The following CACNA2D3 variants were observed in gnomAD, a reference collection of about 807,000 sequenced individuals.
CACNA2D3 encodes the protein voltage-dependent calcium channel subunit alpha-2/delta-3.
Under a neutral mutation model 160.6 loss-of-function variants are expected in CACNA2D3, and 60 were observed. The observed-to-expected ratio is 0.37, with a 90% CI of 0.30 to 0.46. CACNA2D3 has a LOEUF of 0.46. Among genes scored for constraint, CACNA2D3 ranks in the 20% least tolerant of loss-of-function variants. The pLI, the probability that CACNA2D3 is intolerant of heterozygous loss-of-function variation, is 1.00. For missense variants in CACNA2D3, 1,205 were observed against 1,365.0 expected, an observed-to-expected ratio of 0.88 and a Z score of 1.85; for synonymous variants, 558 against 492.9, an observed-to-expected ratio of 1.13 and a Z score of -1.75.
intron 4 of CACNA2D3, among the ~76,000 whole-genome samples, chr3:54,401,935 CATTA>C (rs1372055760): frequency 2.6e-5 from 4 of 151,928 alleles, no homozygotes; most frequent in Admixed American, 6.6e-5. Flanking sequence ...TGATAGCTAC[CATTA>C]ATTAAGAAAT....
intron 2 of CACNA2D3, among the ~76,000 whole-genome samples, chr3:54,170,792 A>G (rs1281739614): frequency 6.6e-6 from 1 of 152,234 alleles, no homozygotes; most frequent in African/African-American, 2.4e-5. Context: ...TTAAGAAACC[A>G]AATTTTCATC....
chr3:54,795,722 C>T (rs1415357728), intron 13 of CACNA2D3, among the ~76,000 whole-genome samples: 1 of 152,108 alleles, frequency 6.6e-6, no homozygotes, highest in Non-Finnish European at 1.5e-5. Context: ...GCAAATCTGC[C>T]TCTTTGAGGT....
At chr3:55,051,782 G>A (rs1453755255) in intron 35 of CACNA2D3, among the ~76,000 whole-genome samples, 3 of 152,170 alleles carry the variant, frequency 2.0e-5, no homozygotes, top group African/African-American at 7.2e-5. Context: ...GACCCTCCGA[G>A]CCAGGTGTGG....
chr3:54,305,142 CCT>C (rs1322488784), intron 2 of CACNA2D3, among the ~76,000 whole-genome samples: 2 of 152,152 alleles, frequency 1.3e-5, no homozygotes, highest in Non-Finnish European at 2.9e-5. Flanking sequence ...CAGTTACACT[CCT>C]CTTTGCACAT....
At chr3:54,500,037 C>G (rs1701263423) in intron 4 of CACNA2D3, among the ~76,000 whole-genome samples, 1 of 152,124 alleles carries the variant, frequency 6.6e-6, no homozygotes, top group Non-Finnish European at 1.5e-5. Context: ...CCTTGCAGTT[C>G]TATCAGTCTT....
chr3:54,409,607 C>T (rs1235246293), intron 4 of CACNA2D3, among the ~76,000 whole-genome samples: 1 of 152,202 alleles, frequency 6.6e-6, no homozygotes, highest in Non-Finnish European at 1.5e-5. Flanking sequence ...AGGCCTCTTG[C>T]ACCAAGCAGT....
At chr3:54,673,723 C>T (rs1700196391) in intron 11 of CACNA2D3, among the ~76,000 whole-genome samples, 1 of 152,060 alleles carries the variant, frequency 6.6e-6, no homozygotes, top group Admixed American at 6.5e-5. Context: ...ATCTATAAAC[C>T]ATCCTGAATC....
chr3:54,464,745 G>A lies in CACNA2D3; in HGVS notation c.382-38747G>A, dbSNP rs530898824. On this transcript the variant is annotated intron_variant, in intron 4 of 37. Transcript: ENST00000474759. ...CGCTTCCTGAGTGAGGCAATGCCTCGCCGTGCTTCGGCTAGCGCACGGTGC... is the reference window on the plus strand; with the variant it reads ...CGCTTCCTGAGTGAGGCAATGCCTCACCGTGCTTCGGCTAGCGCACGGTGC... 1.3e-3 allele frequency among the ~76,000 whole-genome samples: 192 copies of A among 152,334 alleles called. 1 individual carries two copies. The highest frequency in any genetic ancestry group is 4.2e-3 in the African/African-American group (173 of 41,598).
intron 11 of CACNA2D3, among the ~76,000 whole-genome samples, chr3:54,674,882 G>T (rs1198956815): frequency 6.6e-6 from 1 of 152,134 alleles, no homozygotes; most frequent in African/African-American, 2.4e-5. Flanking sequence ...GTAGAAGTCG[G>T]GTAGAAGACA....
rs376469871 is a variant in CACNA2D3, at chr3:54,752,934, C to A, written c.1246+257C>A. Among the ~76,000 whole-genome samples the A allele has an allele frequency of 8.0e-5, 12 of 150,324 alleles. No individual in the cohort carries two copies. In the South Asian group the frequency reaches 2.5e-3, roughly 32 times the overall value. On this transcript the variant is annotated intron_variant, in intron 12 of 37. Coordinates refer to ENST00000474759, the MANE Select transcript of CACNA2D3 (RefSeq NM_018398.3). ...GGAGTGCAGTAACGCGATCTCAGCT[C>A]ACTGCAGACCACGCCTCCCGAGTTC...
At chr3:54,794,022 A>T (rs1443261900) in intron 13 of CACNA2D3, among the ~76,000 whole-genome samples, 1 of 152,146 alleles carries the variant, frequency 6.6e-6, no homozygotes, top group African/African-American at 2.4e-5. Flanking sequence ...TGTTCATAAT[A>T]TTCTCTTAGA....
chr3:54,837,023 C>G (rs1698706537), intron 14 of CACNA2D3, 136 bp from the exon 15 acceptor site: 1 of 727,268 alleles, frequency 1.4e-6, no homozygotes, highest in Non-Finnish European at 2.5e-6. Context: ...GCTCCGCGCT[C>G]CACTAAAGGC....
At chr3:54,924,809 G>A in intron 27 of CACNA2D3, 2 of 1,614,086 alleles carry the variant, frequency 1.2e-6, no homozygotes, top group Non-Finnish European at 1.7e-6. Flanking sequence ...CCAAGGATGT[G>A]GGAAGGTGGC....
chr3:54,422,045 A>AGAG (rs1163095392), intron 4 of CACNA2D3, among the ~76,000 whole-genome samples: 3 of 152,162 alleles, frequency 2.0e-5, no homozygotes, highest in East Asian at 1.9e-4. Flanking sequence ...CATGTGGCAG[A>AGAG]GAGGACGTGT....
Position 54,503,526 on chromosome 3 carries a change from G to A in CACNA2D3, c.416G>A (p.Arg139Lys). Residue 139 changes from arginine to lysine, a missense_variant, in exon 5 of 38, where the codon AGG becomes AAG. Transcript: ENST00000474759. ...TTCAATGCTGTGCTGATAAATGAAA[G>A]GGACAAAGACGGGAATTTTTTGGAG... ...EYFNAVLINE[R>K]DKDGNFLELG... The A allele has an allele frequency of 6.2e-7, 1 of 1,613,904 alleles. No homozygotes were observed. The highest frequency in any genetic ancestry group is 2.2e-5 in the East Asian group (1 of 44,868).
At chr3:54,763,653 ATG>A (rs34209151) in intron 12 of CACNA2D3, among the ~76,000 whole-genome samples, 39,214 of 140,510 alleles carry the variant, frequency 0.28, 5,639 homozygotes, top group Admixed American at 0.34. Context: ...GTGTATATAT[ATG>A]TGTGTGTGTG....
rs557001793 is a variant in CACNA2D3, at chr3:54,741,993, A to G, written c.1168-10606A>G. On this transcript the variant is annotated intron_variant, in intron 11 of 37. Transcript: ENST00000474759. ...CTGCCCCCGACAATTCAGTCTTCCA[A>G]GTAGCTAGGACTACAGGCGAGTACC... is the stretch of plus-strand genomic sequence containing the variant. 1.6e-3 allele frequency among the ~76,000 whole-genome samples: 249 copies of G among 152,088 alleles called. 1 individual carries two copies. Among genetic ancestry groups the G allele is most frequent in the African/African-American group, 5.4e-3 (224 of 41,540 alleles).
intron 2 of CACNA2D3, among the ~76,000 whole-genome samples, chr3:54,242,589 A>C (rs1701992950): frequency 6.6e-6 from 1 of 152,266 alleles, no homozygotes; most frequent in Non-Finnish European, 1.5e-5. Flanking sequence ...ACGCCTCAAC[A>C]GTCAATCTGC....
At chr3:55,040,746 A>G (rs902068197) in intron 35 of CACNA2D3, among the ~76,000 whole-genome samples, 5 of 152,144 alleles carry the variant, frequency 3.3e-5, no homozygotes, top group Admixed American at 6.5e-5. Flanking sequence ...ACAATTTCTT[A>G]TACAGGAGGG....
Sources: allele counts gnomAD v4.1 joint callset (sites outside exome capture counted in the v4.1 genomes callset), GRCh38; gene constraint gnomAD v4.1.1; transcripts MANE v1.5; gene names NCBI Gene and HGNC (gene_info 2026-07-23, HGNC 2026-07-21).